Variants in DSE observed in about 807,000 individuals in gnomAD.
The protein encoded by DSE is dermatan-sulfate epimerase.
In DSE, 36 loss-of-function variants were observed where a neutral mutation model predicts 84.4. The observed-to-expected ratio is 0.43, with a 90% CI of 0.33 to 0.56. The LOEUF (loss-of-function observed/expected upper bound fraction) is 0.56, where lower values mean the gene tolerates loss of function less well. Among genes scored for constraint, DSE ranks in the 20% least tolerant of loss-of-function variants. DSE has a pLI of 0.06. For synonymous variants in DSE, 410 were observed against 430.1 expected (o/e 0.95, Z 0.58); for missense variants, 862 against 1,169.6 (o/e 0.74, Z 3.84).
rs545437179 is a variant in DSE at position 116,418,907 on chromosome 6, T to C, written c.417-7667T>C. On this transcript the variant is annotated intron_variant, in intron 2 of 5. Transcript: ENST00000644252. Reference sequence around the variant, plus strand: ...TATAAAATGGGGACGGAATACCTAATGTTGAGTTGAGAAGATGAAATGACA... The same window carrying C: ...TATAAAATGGGGACGGAATACCTAACGTTGAGTTGAGAAGATGAAATGACA... Among the ~76,000 whole-genome samples, 8 of 152,318 alleles carry C rather than the reference T, an allele frequency of 5.3e-5. No individual in the cohort carries two copies. The South Asian group carries it at 1.4e-3, about 28-fold the overall frequency.
chr6:116,382,320 T>C (rs1461228772), intron 1 of DSE, among the ~76,000 whole-genome samples: 1 of 152,154 alleles, frequency 6.6e-6, no homozygotes, highest in Non-Finnish European at 1.5e-5. Flanking sequence ...AAAAGGATTG[T>C]AGAAAAGAGG....
chr6:116,362,945 T>A (rs1778982202), intron 2 of DSE, among the ~76,000 whole-genome samples: 1 of 152,160 alleles, frequency 6.6e-6, no homozygotes. Flanking sequence ...TTTCCCAAGT[T>A]ATCATGGTTT....
At position 116,427,214 on chromosome 6, in the gene DSE, G is replaced by A. The variant is rs1010598956; in HGVS notation, c.670+387G>A. ...AAATGAAGATTTCCAGCACACAGAT[G>A]TGAATCATAACACCACTACTATTTT... On this transcript the variant is annotated intron_variant, in intron 3 of 5. Transcript: ENST00000644252. Among the ~76,000 whole-genome samples the A allele has an allele frequency of 2.6e-5, 4 of 152,190 alleles. No homozygotes were observed. The East Asian group carries it at 7.7e-4, about 29-fold the overall frequency.
At chr6:116,286,151 G>A (rs1562204402) in intron 2 of DSE, among the ~76,000 whole-genome samples, 1 of 152,166 alleles carries the variant, frequency 6.6e-6, no homozygotes, top group Admixed American at 6.5e-5. Context: ...TTCTATCCAT[G>A]AGCATGGAAT....
At chr6:116,317,472 G>C (rs1776051401) in intron 2 of DSE, among the ~76,000 whole-genome samples, 1 of 152,138 alleles carries the variant, frequency 6.6e-6, no homozygotes, top group Non-Finnish European at 1.5e-5. Flanking sequence ...TCTTTAACCT[G>C]GTTATTATCA....
At chr6:116,335,029 T>A in intron 2 of DSE, among the ~76,000 whole-genome samples, 1 of 152,174 alleles carries the variant, frequency 6.6e-6, no homozygotes, top group African/African-American at 2.4e-5. Context: ...ACTGTATATA[T>A]ACTCAAAGGA....
chr6:116,364,048 ATCT>A lies in DSE; in HGVS notation c.-53-35149_-53-35147del, dbSNP rs573733847. Among the ~76,000 whole-genome samples the A allele has an allele frequency of 4.5e-4, 68 of 152,348 alleles. 1 individual carries two copies. The East Asian group carries it at 0.012, about 27-fold the overall frequency. Reference sequence around the variant, plus strand: ...GCAGCAAAAACTGGTAACAGTCCCCATCTATGTTAACCTTGGTTTCTTTGTAAA... The same window carrying A: ...GCAGCAAAAACTGGTAACAGTCCCCAATGTTAACCTTGGTTTCTTTGTAAA... On this transcript the variant is annotated intron_variant, in intron 2 of 3. Coordinates refer to the DSE transcript ENST00000430252.
At chr6:116,430,573 G>A (rs1378903713) in intron 3 of DSE, among the ~76,000 whole-genome samples, 1 of 151,094 alleles carries the variant, frequency 6.6e-6, no homozygotes, top group Non-Finnish European at 1.5e-5. Context: ...ACGGAGTCTC[G>A]CTTTGTCGCC....
upstream of DSE, chr6:116,369,963 C>T (rs971170334): frequency 1.6e-5 from 20 of 1,288,606 alleles, no homozygotes; most frequent in Non-Finnish European, 2.0e-5. Flanking sequence ...TCTGTACAAT[C>T]TAGGTCTGGT....
intron 2 of DSE, among the ~76,000 whole-genome samples, chr6:116,294,000 T>A (rs1223028824): frequency 6.6e-6 from 1 of 152,144 alleles, no homozygotes; most frequent in African/African-American, 2.4e-5. Context: ...TTAATAAATA[T>A]GTCTATTTTT....
chr6:116,261,556 A>G (rs182811857), intron 2 of DSE, among the ~76,000 whole-genome samples: 1 of 152,102 alleles, frequency 6.6e-6, no homozygotes, highest in Non-Finnish European at 1.5e-5. Flanking sequence ...GCAAAGCGGG[A>G]TAGTTTGACT....
chr6:116,399,326 G>A lies in DSE; in HGVS notation c.76G>A (p.Asp26Asn), dbSNP rs756408252. ...LLCFVSAYIT[D>N]ENPEVMIPFT... ...TTGCTTTGTGTCAGCCTACATCACC[G>A]ACGAGAACCCAGAAGTTATGATTCC... is the stretch of plus-strand genomic sequence containing the variant. The change falls in exon 2 of 6, where the codon GAC becomes AAC. Residue 26 changes from aspartate to asparagine, a missense_variant. Physicochemically the swap from Asp to Asn is conservative, Grantham distance 23. Around this residue, in one of 4 missense-constraint regions of DSE, gnomAD observed 52 missense variants for 49.6 expected, o/e 1.05. Coordinates refer to ENST00000644252, the MANE Select transcript of DSE (RefSeq NM_013352.4). The A allele has an allele frequency of 6.2e-7, 1 of 1,613,958 alleles. No homozygotes were observed. Among genetic ancestry groups the A allele is most frequent in the Non-Finnish European group, 8.5e-7 (1 of 1,180,036 alleles).
intron 2 of DSE, among the ~76,000 whole-genome samples, chr6:116,312,777 AT>A (rs1775766577): frequency 6.6e-6 from 1 of 151,858 alleles, no homozygotes; most frequent in Non-Finnish European, 1.5e-5. Flanking sequence ...AAATATATAT[AT>A]TTTTATTTTT....
chr6:116,444,443 G>C lies in DSE; in HGVS notation c.*7098G>C, dbSNP rs1181576720. 1.3e-5 allele frequency: 1 copy of C among 74,836 alleles called. No individual in the cohort carries two copies. The highest frequency in any genetic ancestry group is 2.8e-5 in the Non-Finnish European group (1 of 35,974). The allele number at this position is 74,836 out of a possible 1,614,324, so 4.6% of individuals were successfully genotyped here. ...AAAATTTGGTATTCAAAAAATGCTT[G>C]ATGAATTGACTGACTGCCTGAATGA... is the stretch of plus-strand genomic sequence containing the variant. On this transcript the variant is annotated 3_prime_UTR_variant, in exon 6 of 6. Coordinates refer to ENST00000644252, the MANE Select transcript of DSE (RefSeq NM_013352.4).
intron 2 of DSE, chr6:116,278,817 C>G: frequency 1.2e-6 from 2 of 1,614,138 alleles, no homozygotes; most frequent in Non-Finnish European, 1.7e-6. Context: ...CCTCATATTC[C>G]TTGACAATCA....
chr6:116,352,285 C>T (rs146636044), intron 2 of DSE, among the ~76,000 whole-genome samples: 166 of 152,298 alleles, frequency 1.1e-3, no homozygotes, highest in African/African-American at 3.5e-3. Context: ...TACAACCAGT[C>T]CTTTCAGACC....
At chr6:116,282,886 G>A (rs868865640) in intron 2 of DSE, among the ~76,000 whole-genome samples, 25 of 152,134 alleles carry the variant, frequency 1.6e-4, no homozygotes, top group African/African-American at 6.0e-4. Context: ...CTCTAGGAAT[G>A]TCAACATGCA....
At chr6:116,411,995 A>T (rs1422995465) in intron 2 of DSE, among the ~76,000 whole-genome samples, 1 of 152,196 alleles carries the variant, frequency 6.6e-6, no homozygotes, top group Non-Finnish European at 1.5e-5. Flanking sequence ...TAATTTATTT[A>T]TTCTGTTTTT....
intron 1 of DSE, among the ~76,000 whole-genome samples, chr6:116,391,271 T>C (rs1385043758): frequency 6.6e-6 from 1 of 152,086 alleles, no homozygotes; most frequent in East Asian, 1.9e-4. Flanking sequence ...GACCTAAAGT[T>C]TTTTTTTAAT....
Sources: allele counts gnomAD v4.1 joint callset (sites outside exome capture counted in the v4.1 genomes callset), GRCh38; gene constraint gnomAD v4.1.1; regional missense constraint gnomAD v4.1.1; transcripts MANE v1.5; gene names NCBI Gene and HGNC (gene_info 2026-07-23, HGNC 2026-07-21).